The following NME7 variants were observed in gnomAD, a reference collection of about 807,000 sequenced individuals.
NME7 encodes nucleoside diphosphate kinase 7.
In NME7, 41 loss-of-function variants were observed where a neutral mutation model predicts 49.1. That is an observed-to-expected ratio of 0.83 (90% CI 0.65 to 1.08). NME7 has a LOEUF of 1.08. Ranked by LOEUF, NME7 falls within the 50% of genes least tolerant of loss-of-function variation. The pLI is 0.00. For synonymous variants in NME7, 139 were observed against 150.6 expected, an observed-to-expected ratio of 0.92 and a Z score of 0.56; for missense variants, 423 against 463.4, an observed-to-expected ratio of 0.91 and a Z score of 0.80.
chr1:169,278,911 C>G (rs1206111312), intron 7 of NME7, among the ~76,000 whole-genome samples: 2 of 152,140 alleles, frequency 1.3e-5, no homozygotes, highest in South Asian at 4.1e-4. Flanking sequence ...CAGACAGGAC[C>G]CTCCGCTGCA....
chr1:169,169,023 C>A, intron 11 of NME7: 1 of 428,610 alleles, frequency 2.3e-6, no homozygotes, highest in Admixed American at 2.9e-5. Flanking sequence ...GATATAAAAA[C>A]AAATTTCACA....
At chr1:169,295,547 G>A (rs966476758) in intron 6 of NME7, among the ~76,000 whole-genome samples, 2 of 152,076 alleles carry the variant, frequency 1.3e-5, no homozygotes, top group Admixed American at 1.3e-4. Context: ...CTACTACTAA[G>A]ATATGGTCAA....
intron 1 of NME7, among the ~76,000 whole-genome samples, chr1:169,363,084 A>T (rs1653720253): frequency 6.6e-6 from 1 of 151,592 alleles, no homozygotes; most frequent in Non-Finnish European, 1.5e-5. Context: ...TGAAAAAAAA[A>T]AAAAATTAGC....
chr1:169,297,083 CCCA>C (rs1650740260), intron 6 of NME7, among the ~76,000 whole-genome samples: 1 of 152,020 alleles, frequency 6.6e-6, no homozygotes, highest in Non-Finnish European at 1.5e-5. Flanking sequence ...AAGCAATTCT[CCCA>C]CCTTAGCCTC....
chr1:169,364,301 T>C (rs1198849740), intron 1 of NME7, among the ~76,000 whole-genome samples: 4 of 151,228 alleles, frequency 2.6e-5, no homozygotes. Context: ...AGATGTATAC[T>C]ACATAAAATG....
intron 8 of NME7, among the ~76,000 whole-genome samples, 197 bp from the exon 9 acceptor site, chr1:169,235,396 G>C (rs1189965876): frequency 1.3e-5 from 2 of 151,924 alleles, no homozygotes; most frequent in Non-Finnish European, 2.9e-5. Flanking sequence ...CATCACTCTA[G>C]GTTCTATACG....
At position 169,352,028 on chromosome 1, in the gene NME7, T is replaced by C. The variant is rs111841932; in HGVS notation, c.3+15680A>G. On this transcript the variant is annotated intron_variant, in intron 1 of 11. Coordinates refer to ENST00000367811, the MANE Select transcript of NME7 (RefSeq NM_013330.5). ...CTAATACCAATCCTATTCAAACTATTCCAAAAAATAGAGGAAGAGGTAATA... is the reference window on the plus strand; with the variant it reads ...CTAATACCAATCCTATTCAAACTATCCCAAAAAATAGAGGAAGAGGTAATA... Among the ~76,000 whole-genome samples the C allele has an allele frequency of 6.3e-3, 960 of 151,590 alleles. 8 individuals are homozygous for C. Among genetic ancestry groups the C allele is most frequent in the African/African-American group, 0.022 (920 of 41,356 alleles).
intron 10 of NME7, among the ~76,000 whole-genome samples, chr1:169,209,334 A>C (rs16828165): frequency 0.07 from 10,659 of 152,132 alleles, 1,487 homozygotes; most frequent in East Asian, 0.66. Flanking sequence ...GTGATATTTA[A>C]ATCTCTGGAA....
At chr1:169,159,785 T>C (rs917383454) in intron 11 of NME7, among the ~76,000 whole-genome samples, 1 of 152,176 alleles carries the variant, frequency 6.6e-6, no homozygotes, top group African/African-American at 2.4e-5. Context: ...CCTCCCCTTA[T>C]ATATGAACTC....
chr1:169,303,420 C>T (rs1571371580), intron 4 of NME7: 1 of 178,070 alleles, frequency 5.6e-6, no homozygotes, highest in Non-Finnish European at 1.1e-5. Flanking sequence ...GCAATGTTTA[C>T]TTTTCTACTT....
intron 1 of NME7, among the ~76,000 whole-genome samples, chr1:169,345,675 A>C (rs184247209): frequency 1.3e-3 from 204 of 152,260 alleles, no homozygotes; most frequent in Admixed American, 2.7e-3. Flanking sequence ...CTTAATCTTT[A>C]GCTACACTCA....
intron 10 of NME7, chr1:169,190,680 T>G (rs1660193527): frequency 2.2e-6 from 1 of 445,372 alleles, no homozygotes; most frequent in Admixed American, 2.4e-5. Flanking sequence ...CTAAATTCAC[T>G]TGTGAGAAAT....
intron 7 of NME7, among the ~76,000 whole-genome samples, chr1:169,252,512 G>A (rs1397305593): frequency 6.6e-6 from 1 of 151,816 alleles, no homozygotes; most frequent in Non-Finnish European, 1.5e-5. Flanking sequence ...TTTGTAGGTT[G>A]CCTGTTCACT....
intron 7 of NME7, among the ~76,000 whole-genome samples, chr1:169,251,547 C>CTTTTTTTTTTT (rs36096137): frequency 1.6e-5 from 2 of 123,980 alleles, no homozygotes; most frequent in South Asian, 2.6e-4. Context: ...ACTCTGGTTT[C>CTTTTTTTTTTT]TTTTTTTTTT....
At chr1:169,339,663 T>TAG (rs1652610853) in intron 1 of NME7, among the ~76,000 whole-genome samples, 1 of 152,248 alleles carries the variant, frequency 6.6e-6, no homozygotes, top group Non-Finnish European at 1.5e-5. Flanking sequence ...GTGGATGTGC[T>TAG]AGACATTTTC....
At chr1:169,337,737 T>A (rs777874259) in intron 1 of NME7, among the ~76,000 whole-genome samples, 10 of 152,220 alleles carry the variant, frequency 6.6e-5, no homozygotes, top group Non-Finnish European at 1.0e-4. Context: ...ATAAGTACAA[T>A]AGAAATAAAA....
At chr1:169,365,204 G>A (rs2101994565) in intron 1 of NME7, among the ~76,000 whole-genome samples, 1 of 152,228 alleles carries the variant, frequency 6.6e-6, no homozygotes, top group East Asian at 1.9e-4. Context: ...CCAATCAGCA[G>A]CGCCCATTCC....
chr1:169,303,293 T>G, intron 4 of NME7, 98 bp from the exon 5 acceptor site: 2 of 468,750 alleles, frequency 4.3e-6, no homozygotes, highest in Non-Finnish European at 7.3e-6. Context: ...TCCTCTCAAT[T>G]TATACTAATT....
At chr1:169,226,897 T>C (rs928913091) in intron 10 of NME7, among the ~76,000 whole-genome samples, 23 of 152,030 alleles carry the variant, frequency 1.5e-4, no homozygotes, top group African/African-American at 5.6e-4. Flanking sequence ...TATAGACAAC[T>C]AAAATGAACC....
Sources: gnomAD v4.1 joint callset for allele counts (sites outside exome capture counted in the v4.1 genomes callset) on GRCh38, gnomAD v4.1.1 for gene constraint, MANE v1.5 for transcripts, NCBI Gene and HGNC (gene_info 2026-07-23, HGNC 2026-07-21) for gene names.